Variants in PUM2 observed in about 807,000 individuals in gnomAD.
The protein encoded by PUM2 is pumilio RNA binding family member 2.
In PUM2, 57 loss-of-function variants were observed where a neutral mutation model predicts 124.5. The observed-to-expected ratio is 0.46, with a 90% CI of 0.37 to 0.57. The LOEUF is 0.57. PUM2 is among the 20% of genes least tolerant of loss of function. The pLI, the probability that PUM2 is intolerant of heterozygous loss-of-function variation, is 0.00. For synonymous variants in PUM2, 460 were observed against 446.1 expected, an observed-to-expected ratio of 1.03 and a Z score of -0.39; for missense variants, 1,065 against 1,290.6, an observed-to-expected ratio of 0.83 and a Z score of 2.68.
Position 20,315,719 on chromosome 2 carries a change from G to T in PUM2, c.160+2818C>A, listed in dbSNP as rs185902572. Among the ~76,000 whole-genome samples, 175 of 151,696 alleles carry T rather than the reference G, an allele frequency of 1.2e-3. 2 individuals carry two copies. Among genetic ancestry groups the T allele is most frequent in the Non-Finnish European group, 2.3e-3 (153 of 67,916 alleles). On this transcript the variant is annotated intron_variant, in intron 3 of 20. Coordinates refer to ENST00000361078, the MANE Select transcript of PUM2 (RefSeq NM_015317.5). ...CGCATACTTTTAATTCCAGCACTTC[G>T]GGAGGCTGAGGCAGGTGGATTGTTT...
rs188479189 is a variant in PUM2 at position 20,305,743 on chromosome 2, T to C, written c.883+2235A>G. ...CTGATATATGGTACTTGAGTTTTCA[T>C]AGATAACACTTTAAAGCTACAATGA... On this transcript the variant is annotated intron_variant, in intron 7 of 20. Coordinates refer to ENST00000361078, the MANE Select transcript of PUM2 (RefSeq NM_015317.5). 9.0e-4 allele frequency among the ~76,000 whole-genome samples: 137 copies of C among 152,250 alleles called. 1 individual carries two copies. Among genetic ancestry groups the C allele is most frequent in the African/African-American group, 3.1e-3 (128 of 41,558 alleles).
At chr2:20,340,368 T>C (rs1686991342) in intron 1 of PUM2, among the ~76,000 whole-genome samples, 1 of 152,238 alleles carries the variant, frequency 6.6e-6, no homozygotes. Flanking sequence ...CAGTAAGATG[T>C]GGGATGGATC....
At chr2:20,317,603 T>C (rs1366638424) in intron 3 of PUM2, among the ~76,000 whole-genome samples, 1 of 152,176 alleles carries the variant, frequency 6.6e-6, no homozygotes, top group African/African-American at 2.4e-5. Context: ...GTTTGTTATA[T>C]AGGTAAATTC....
rs762776759 is a variant in PUM2 at position 20,283,150 on chromosome 2, G to A, written c.1517C>T (p.Pro506Leu). 3.7e-6 allele frequency: 6 copies of A among 1,614,086 alleles called. No homozygotes were observed. The highest frequency in any genetic ancestry group is 1.7e-4 in the Middle Eastern group (1 of 6,058). Residue 506 changes from proline to leucine, a missense_variant, in exon 12 of 21, where the codon CCA becomes CTA. By Grantham distance (98) the Pro-to-Leu change is moderately conservative. Coordinates refer to ENST00000361078, the MANE Select transcript of PUM2 (RefSeq NM_015317.5). ...NGLFRPIGTQ[P>L]PQQQQQQPST... ...TGGCTGCTGTTGCTGCTGCTGTGGTGGCTGAGTGCCAATTGGCCGAAACAG... is the reference window on the plus strand; with the variant it reads ...TGGCTGCTGTTGCTGCTGCTGTGGTAGCTGAGTGCCAATTGGCCGAAACAG...
chr2:20,327,245 A>G (rs536084427), intron 2 of PUM2, 65 bp downstream of exon 2: 42 of 1,222,626 alleles, frequency 3.4e-5, no homozygotes, highest in Middle Eastern at 1.9e-4. Context: ...GTTAAAAAAA[A>G]AAAATAAGTT....
chr2:20,260,764 T>TC (rs1666003888), intron 14 of PUM2, among the ~76,000 whole-genome samples: 1 of 152,210 alleles, frequency 6.6e-6, no homozygotes, highest in Admixed American at 6.5e-5. Context: ...CATTTATTTT[T>TC]CATAATATAC....
chr2:20,301,227 T>G (rs1389063510), intron 7 of PUM2, among the ~76,000 whole-genome samples: 1 of 152,228 alleles, frequency 6.6e-6, no homozygotes, highest in Non-Finnish European at 1.5e-5. Context: ...AAAATAAACT[T>G]TCTAAACTGC....
At chr2:20,344,235 T>C (rs896382401) in intron 1 of PUM2, among the ~76,000 whole-genome samples, 6 of 152,050 alleles carry the variant, frequency 3.9e-5, no homozygotes, top group Non-Finnish European at 8.8e-5. Flanking sequence ...GCCCAGCTAA[T>C]TTTTGCATTT....
chr2:20,265,373 G>T (rs1267384935), intron 13 of PUM2, among the ~76,000 whole-genome samples: 1 of 152,098 alleles, frequency 6.6e-6, no homozygotes, highest in South Asian at 2.1e-4. Flanking sequence ...TATTCAAAAC[G>T]TTCAAGAGTT....
chr2:20,270,423 A>G (rs560488275), intron 13 of PUM2, among the ~76,000 whole-genome samples: 1 of 152,306 alleles, frequency 6.6e-6, no homozygotes, highest in African/African-American at 2.4e-5. Flanking sequence ...GCTTGCTTCA[A>G]AAGCTGTGAA....
intron 2 of PUM2, among the ~76,000 whole-genome samples, chr2:20,323,176 C>T (rs980947905): frequency 1.4e-4 from 21 of 152,086 alleles, no homozygotes; most frequent in African/African-American, 4.1e-4. Context: ...GGGCCAGGTG[C>T]GGTGGCTCAC....
Position 20,278,804 on chromosome 2 carries a change from C to G in PUM2, c.1736G>C (p.Ser579Thr). Residue 579 changes from serine (S) to threonine (T), a missense_variant, in exon 13 of 21, where the codon AGT becomes ACT. Around this residue, in one of 3 missense-constraint regions of PUM2, gnomAD observed 968 missense variants for 1,159.8 expected, o/e 0.83. Transcript: ENST00000361078. Reference protein sequence around the residue: ...GFGSSVGSSASSSATRRESLS... With the variant: ...GFGSSVGSSATSSATRRESLS... ...AGACTCTCTCCTTGTGGCACTACTA[C>G]TTGCAGAACTGCCAACTGAAGAAGA... The G allele has an allele frequency of 6.2e-7, 1 of 1,612,320 alleles. No homozygotes were observed. The highest frequency in any genetic ancestry group is 8.5e-7 in the Non-Finnish European group (1 of 1,178,810).
intron 2 of PUM2, among the ~76,000 whole-genome samples, chr2:20,321,629 TAA>T (rs1158987746): frequency 1.3e-5 from 2 of 151,232 alleles, no homozygotes; most frequent in Non-Finnish European, 3.0e-5. Context: ...AGAACACAGT[TAA>T]AGAGGAAAAA....
Position 20,263,375 on chromosome 2 carries a change from A to C in PUM2, c.2043T>G (p.Ser681Arg). The C allele has an allele frequency of 1.2e-6, 2 of 1,614,108 alleles. No individual in the cohort carries two copies. The highest frequency in any genetic ancestry group is 1.7e-6 in the Non-Finnish European group (2 of 1,179,928). ...AKYRSASSTS[S>R]LFSSSSQLFP... ...AGAGCTGGCTGCTGGAGCTAAATAGACTGGAAGTGCTTGAAGCACTTCGAT... is the reference window on the plus strand; with the variant it reads ...AGAGCTGGCTGCTGGAGCTAAATAGCCTGGAAGTGCTTGAAGCACTTCGAT... The change falls in exon 14 of 21, where the codon AGT becomes AGG. Residue 681 changes from serine (S) to arginine (R), a missense_variant. Ser to Arg is a moderately radical substitution (Grantham distance 110). Transcript: ENST00000361078.
At chr2:20,257,328 AATATATACACATATATAGTCATCCATCC>A (rs1292582525) in intron 16 of PUM2, among the ~76,000 whole-genome samples, 1 of 152,292 alleles carries the variant, frequency 6.6e-6, no homozygotes, top group East Asian at 1.9e-4. Flanking sequence ...TGCAGTGATG[AATATATACACATATATAGTCATCCATCC>A]ATATATTACT....
intron 9 of PUM2, among the ~76,000 whole-genome samples, chr2:20,291,133 C>T (rs1673970244): frequency 6.6e-6 from 1 of 152,130 alleles, no homozygotes. Context: ...AAGACTCCAG[C>T]CTGACATCTG....
At chr2:20,260,219 C>T in intron 15 of PUM2, 118 bp downstream of exon 15, 1 of 1,119,352 alleles carries the variant, frequency 8.9e-7, no homozygotes, top group Non-Finnish European at 1.2e-6. Flanking sequence ...AATATCTTAT[C>T]CCTGGCTTAT....
chr2:20,318,901 T>C (rs955496076), intron 2 of PUM2, among the ~76,000 whole-genome samples: 3 of 152,210 alleles, frequency 2.0e-5, no homozygotes. Context: ...TCATACATTT[T>C]TATTACAATG....
chr2:20,256,507 G>A (rs1439030077), intron 16 of PUM2, among the ~76,000 whole-genome samples: 8 of 152,074 alleles, frequency 5.3e-5, no homozygotes, highest in Non-Finnish European at 1.2e-4. Context: ...TAAATCATCC[G>A]CTAATATTTA....
Sources: gnomAD v4.1 joint callset for allele counts (sites outside exome capture counted in the v4.1 genomes callset) on GRCh38, gnomAD v4.1.1 for gene constraint, gnomAD v4.1.1 regional missense constraint, MANE v1.5 for transcripts, NCBI Gene and HGNC (gene_info 2026-07-23, HGNC 2026-07-21) for gene names.